Variants in DENND5B observed in about 807,000 individuals in gnomAD.
DENND5B encodes the protein DENN domain-containing protein 5B.
A neutral mutation model predicts 140.6 loss-of-function variants in DENND5B; 34 were observed. The ratio of observed to expected loss-of-function variants is 0.24; its 90% CI spans 0.18 to 0.32. The LOEUF (loss-of-function observed/expected upper bound fraction) is 0.32, where lower values mean the gene tolerates loss of function less well. Ranked by LOEUF, DENND5B falls within the 10% of genes least tolerant of loss-of-function variation. The pLI, the probability that DENND5B is intolerant of heterozygous loss-of-function variation, is 1.00. For missense variants in DENND5B, 1,142 were observed against 1,560.2 expected (o/e 0.73, Z 4.52); for synonymous variants, 551 against 562.1 (o/e 0.98, Z 0.28).
intron 1 of DENND5B, among the ~76,000 whole-genome samples, chr12:31,578,930 C>T (rs536133604): frequency 2.6e-5 from 4 of 152,274 alleles, no homozygotes; most frequent in East Asian, 1.9e-4. Flanking sequence ...TGAGAATTAG[C>T]GTTTATAAAT....
intron 8 of DENND5B, among the ~76,000 whole-genome samples, chr12:31,431,644 A>C (rs1943515940): frequency 6.6e-6 from 1 of 152,202 alleles, no homozygotes. Context: ...AATTCTGTGG[A>C]GATAAAACCC....
At chr12:31,443,794 G>T (rs1438423958) in intron 6 of DENND5B, 1 of 152,122 alleles carries the variant, frequency 6.6e-6, no homozygotes, top group Non-Finnish European at 1.5e-5. Context: ...CTCATTAGTA[G>T]GAGTCATTTT....
intron 4 of DENND5B, among the ~76,000 whole-genome samples, chr12:31,457,823 C>T (rs1332167585): frequency 6.6e-6 from 1 of 151,996 alleles, no homozygotes; most frequent in Non-Finnish European, 1.5e-5. Flanking sequence ...ATGCCATTCT[C>T]CTGCCTCAGC....
chr12:31,456,397 C>T (rs1447841927), intron 4 of DENND5B, among the ~76,000 whole-genome samples: 1 of 151,926 alleles, frequency 6.6e-6, no homozygotes, highest in Non-Finnish European at 1.5e-5. Flanking sequence ...ATCATCTCTT[C>T]TGTCATGAAA....
At chr12:31,519,143 C>G (rs1470944860) in intron 1 of DENND5B, among the ~76,000 whole-genome samples, 5 of 152,200 alleles carry the variant, frequency 3.3e-5, no homozygotes, top group African/African-American at 1.2e-4. Flanking sequence ...ACAAACGATG[C>G]ACCAAATTTG....
chr12:31,463,011 C>T (rs1301698466), intron 3 of DENND5B, among the ~76,000 whole-genome samples: 14 of 151,982 alleles, frequency 9.2e-5, no homozygotes, highest in Admixed American at 3.9e-4. Context: ...ACCTGCAATC[C>T]CAGCACTTTG....
chr12:31,560,698 T>G (rs1949444039), intron 1 of DENND5B, among the ~76,000 whole-genome samples: 1 of 152,188 alleles, frequency 6.6e-6, no homozygotes, highest in Admixed American at 6.6e-5. Context: ...AGGCCCTTCA[T>G]GATGGGGCCT....
intron 1 of DENND5B, chr12:31,500,553 G>A (rs1292336122): frequency 1.2e-5 from 4 of 327,118 alleles, no homozygotes; most frequent in Non-Finnish European, 2.4e-5. Context: ...GGTGGTGGGT[G>A]CCCATAATCC....
At chr12:31,432,933 G>A in intron 8 of DENND5B, 1 of 479,648 alleles carries the variant, frequency 2.1e-6, no homozygotes, top group Non-Finnish European at 3.7e-6. Context: ...TACACAGAAA[G>A]ACTTGTTTTA....
chr12:31,484,201 AGACAACCACAACATC>A (rs1423304584), intron 2 of DENND5B, among the ~76,000 whole-genome samples: 1 of 152,176 alleles, frequency 6.6e-6, no homozygotes. Flanking sequence ...AAAGCAGTGG[AGACAACCACAACATC>A]GACAATGCAT....
intron 3 of DENND5B, among the ~76,000 whole-genome samples, chr12:31,469,074 G>A (rs1945417213): frequency 6.6e-6 from 1 of 152,026 alleles, no homozygotes; most frequent in East Asian, 1.9e-4. Flanking sequence ...ATTGCCTCAG[G>A]TCTGTAATCC....
chr12:31,545,878 G>C (rs557142938), intron 1 of DENND5B, among the ~76,000 whole-genome samples: 2 of 141,234 alleles, frequency 1.4e-5, no homozygotes, highest in Non-Finnish European at 3.0e-5. Context: ...AGGATCACTC[G>C]AGATAGAGGT....
At chr12:31,428,942 A>G (rs896323506) in intron 8 of DENND5B, among the ~76,000 whole-genome samples, 8 of 152,108 alleles carry the variant, frequency 5.3e-5, no homozygotes, top group Non-Finnish European at 8.8e-5. Flanking sequence ...TGTGTTAGCC[A>G]GGATGGTCTC....
At chr12:31,441,926 G>C (rs987673188) in intron 7 of DENND5B, among the ~76,000 whole-genome samples, 3 of 151,014 alleles carry the variant, frequency 2.0e-5, no homozygotes, top group African/African-American at 7.3e-5. Flanking sequence ...CAAGCTATCT[G>C]CCTGCCTCGG....
Position 31,387,830 on chromosome 12 carries a change from G to A in DENND5B, c.3642-44C>T, listed in dbSNP as rs747402855. ...ACAATTCCTGAGCATTGCTGGCCTC[G>A]CTGCAGAACAAGGCACACAGTGGAG... On this transcript the variant is annotated intron_variant, in intron 20 of 20. Coordinates refer to ENST00000389082, the MANE Select transcript of DENND5B (RefSeq NM_144973.4). 5.1e-6 allele frequency: 8 copies of A among 1,579,518 alleles called. No individual in the cohort carries two copies. In the Admixed American group the frequency reaches 5.2e-5, roughly 10 times the overall value.
chr12:31,438,460 T>C (rs934314222), intron 7 of DENND5B, among the ~76,000 whole-genome samples: 5 of 152,164 alleles, frequency 3.3e-5, no homozygotes. Flanking sequence ...TTATGGTTTA[T>C]ATAAGGGAAA....
intron 1 of DENND5B, among the ~76,000 whole-genome samples, chr12:31,578,128 A>G (rs1950085210): frequency 4.5e-5 from 1 of 22,372 alleles, no homozygotes; most frequent in Admixed American, 6.9e-4. Context: ...CGCTGTCTCA[A>G]AAAAAAAAAA....
intron 16 of DENND5B, among the ~76,000 whole-genome samples, chr12:31,398,894 G>A (rs1941631184): frequency 6.6e-6 from 1 of 151,900 alleles, no homozygotes; most frequent in African/African-American, 2.4e-5. Context: ...GGCCAAGGTG[G>A]GTGGAACACT....
At chr12:31,558,840 T>G (rs1329310892) in intron 1 of DENND5B, among the ~76,000 whole-genome samples, 1 of 152,212 alleles carries the variant, frequency 6.6e-6, no homozygotes, top group African/African-American at 2.4e-5. Flanking sequence ...TTCAGGAATA[T>G]AGCCAGATAA....
Sources: allele counts gnomAD v4.1 joint callset (sites outside exome capture counted in the v4.1 genomes callset), GRCh38; gene constraint gnomAD v4.1.1; transcripts MANE v1.5; gene names NCBI Gene and HGNC (gene_info 2026-07-23, HGNC 2026-07-21).